The following SNTG1 variants were observed in gnomAD, a reference collection of about 807,000 sequenced individuals.
The protein encoded by SNTG1 is syntrophin gamma 1, also known as gamma-1-syntrophin.
Under a neutral mutation model 74.7 loss-of-function variants are expected in SNTG1, and 39 were observed. That is an observed-to-expected ratio of 0.52 (90% CI 0.40 to 0.68). The LOEUF (loss-of-function observed/expected upper bound fraction) is 0.68, where lower values mean the gene tolerates loss of function less well. Among genes scored for constraint, SNTG1 ranks in the 30% least tolerant of loss-of-function variants. SNTG1 has a pLI of 0.00. For synonymous variants in SNTG1, 254 were observed against 217.1 expected (o/e 1.17, Z -1.49); for missense variants, 685 against 609.5 (o/e 1.12, Z -1.30).
intron 12 of SNTG1, among the ~76,000 whole-genome samples, chr8:50,589,594 A>C (rs903247132): frequency 8.0e-5 from 12 of 149,568 alleles, no homozygotes; most frequent in African/African-American, 3.1e-4. Flanking sequence ...TCAGATTAAA[A>C]AAAAAAAAAA....
intron 12 of SNTG1, among the ~76,000 whole-genome samples, chr8:50,564,807 G>A (rs984416364): frequency 6.6e-6 from 1 of 151,922 alleles, no homozygotes; most frequent in Non-Finnish European, 1.5e-5. Context: ...GACTTCAAAT[G>A]CAATATTGTG....
chr8:50,755,651 A>T (rs1344704726), intron 18 of SNTG1, among the ~76,000 whole-genome samples: 1 of 151,860 alleles, frequency 6.6e-6, no homozygotes, highest in Non-Finnish European at 1.5e-5. Context: ...ATATGGTAAA[A>T]CAGTGTTTAG....
chr8:50,457,995 A>G (rs1563414118), intron 8 of SNTG1: 1 of 152,200 alleles, frequency 6.6e-6, no homozygotes, highest in Non-Finnish European at 1.5e-5. Flanking sequence ...AACAGAAATA[A>G]TCCACAAATA....
chr8:50,689,299 T>C (rs992190167), intron 15 of SNTG1, among the ~76,000 whole-genome samples: 2 of 152,062 alleles, frequency 1.3e-5, no homozygotes, highest in Non-Finnish European at 2.9e-5. Flanking sequence ...TGAATAGGAG[T>C]GGTGAGAGAG....
At chr8:50,576,256 G>A (rs1360567725) in intron 12 of SNTG1, among the ~76,000 whole-genome samples, 1 of 152,058 alleles carries the variant, frequency 6.6e-6, no homozygotes, top group African/African-American at 2.4e-5. Context: ...CCATTGAGTG[G>A]TTTTGGCATC....
chr8:50,597,350 CGTAT>C (rs549350303), intron 13 of SNTG1, among the ~76,000 whole-genome samples: 4,471 of 145,980 alleles, frequency 0.031, 111 homozygotes, highest in African/African-American at 0.055. Context: ...CATATATACA[CGTAT>C]ATATACACAT....
At chr8:50,786,147 G>A (rs1042588326) in intron 18 of SNTG1, among the ~76,000 whole-genome samples, 2 of 151,720 alleles carry the variant, frequency 1.3e-5, no homozygotes, top group Non-Finnish European at 2.9e-5. Flanking sequence ...GAAAACTATT[G>A]GTACTAACTA....
intron 1 of SNTG1, among the ~76,000 whole-genome samples, chr8:50,091,426 GA>G (rs1265236810): frequency 6.6e-6 from 1 of 151,960 alleles, no homozygotes; most frequent in African/African-American, 2.4e-5. Context: ...TAACTTCATT[GA>G]GAAACATCTT....
At chr8:50,516,889 G>C (rs899782767) in intron 9 of SNTG1, among the ~76,000 whole-genome samples, 1 of 152,158 alleles carries the variant, frequency 6.6e-6, no homozygotes, top group African/African-American at 2.4e-5. Flanking sequence ...TTATCCAGGA[G>C]AACTTCCCCT....
intron 13 of SNTG1, among the ~76,000 whole-genome samples, chr8:50,606,036 TGA>T (rs1055276743): frequency 6.6e-6 from 1 of 152,166 alleles, no homozygotes; most frequent in Non-Finnish European, 1.5e-5. Flanking sequence ...AGTATTTTGT[TGA>T]GAGTTTTTGC....
rs2094308855 is a variant in SNTG1, at chr8:50,536,590, T to C, written c.550-88T>C. 2.0e-6 allele frequency: 3 copies of C among 1,467,802 alleles called. No homozygotes were observed. In the Admixed American group the frequency reaches 6.4e-5, roughly 31 times the overall value. 90.9% of individuals were successfully genotyped at this position (1,467,802 alleles called of 1,614,324 possible). Reference sequence around the variant, plus strand: ...GTCTTTTGATCATTTAGGGGAAAAATAATATCCCCCAGATAAAAGGGGTTT... The same window carrying C: ...GTCTTTTGATCATTTAGGGGAAAAACAATATCCCCCAGATAAAAGGGGTTT... On this transcript the variant is annotated intron_variant, in intron 10 of 18. Coordinates refer to ENST00000642720, the MANE Select transcript of SNTG1 (RefSeq NM_018967.5).
intron 2 of SNTG1, among the ~76,000 whole-genome samples, chr8:50,391,476 C>T (rs1292037138): frequency 2.0e-5 from 3 of 152,048 alleles, no homozygotes; most frequent in Admixed American, 1.3e-4. Context: ...AATTTGCCAG[C>T]ATTTTATTGA....
chr8:50,390,595 A>G (rs552692523), intron 2 of SNTG1, among the ~76,000 whole-genome samples: 129 of 152,086 alleles, frequency 8.5e-4, no homozygotes, highest in Non-Finnish European at 1.7e-3. Context: ...GTTTTTCCCA[A>G]ATTCTGTGAA....
intron 15 of SNTG1, among the ~76,000 whole-genome samples, chr8:50,684,067 A>G (rs144205694): frequency 6.6e-6 from 1 of 152,308 alleles, no homozygotes; most frequent in Non-Finnish European, 1.5e-5. Context: ...CATTCTTAGT[A>G]GACATTTAAG....
chr8:49,940,114 C>A (rs1350583352), intron 1 of SNTG1, among the ~76,000 whole-genome samples: 3 of 152,106 alleles, frequency 2.0e-5, no homozygotes, highest in Non-Finnish European at 4.4e-5. Context: ...TTGGGTTGAA[C>A]AAAACCAATA....
At chr8:50,713,507 T>C (rs1322122788) in intron 17 of SNTG1, among the ~76,000 whole-genome samples, 1 of 152,202 alleles carries the variant, frequency 6.6e-6, no homozygotes, top group Non-Finnish European at 1.5e-5. Context: ...TTTAGTTTAA[T>C]GAGATCCCAT....
At chr8:50,264,900 C>T (rs1255810748) in intron 2 of SNTG1, among the ~76,000 whole-genome samples, 3 of 151,744 alleles carry the variant, frequency 2.0e-5, no homozygotes, top group Non-Finnish European at 4.4e-5. Context: ...GGACACATTA[C>T]CAGAAAGAAA....
intron 1 of SNTG1, among the ~76,000 whole-genome samples, chr8:49,932,653 A>G (rs1807704158): frequency 6.6e-6 from 1 of 152,056 alleles, no homozygotes; most frequent in African/African-American, 2.4e-5. Flanking sequence ...ACCCTCTTAA[A>G]GTGTATAATT....
intron 12 of SNTG1, among the ~76,000 whole-genome samples, chr8:50,569,399 GAA>G (rs370525586): frequency 1.1e-3 from 161 of 140,240 alleles, no homozygotes; most frequent in African/African-American, 3.9e-3. Flanking sequence ...GTGCAGAAGT[GAA>G]AAAAAAAAAC....
Sources: allele counts gnomAD v4.1 joint callset (sites outside exome capture counted in the v4.1 genomes callset), GRCh38; gene constraint gnomAD v4.1.1; transcripts MANE v1.5; gene names NCBI Gene and HGNC (gene_info 2026-07-23, HGNC 2026-07-21).